Variants in PHLDB1 observed in about 807,000 individuals in gnomAD.
PHLDB1 encodes the protein pleckstrin homology-like domain family B member 1.
A neutral mutation model predicts 139.3 loss-of-function variants in PHLDB1; 65 were observed. The ratio of observed to expected loss-of-function variants is 0.47; its 90% CI spans 0.38 to 0.57. PHLDB1 has a LOEUF of 0.57. PHLDB1 is among the 20% of genes least tolerant of loss of function. The pLI, the probability that PHLDB1 is intolerant of heterozygous loss-of-function variation, is 0.00. For missense variants in PHLDB1, 1,624 were observed against 1,839.7 expected (o/e 0.88, Z 2.14); for synonymous variants, 679 against 734.5 (o/e 0.92, Z 1.22).
intron 6 of PHLDB1, among the ~76,000 whole-genome samples, chr11:118,630,976 A>G (rs930825217): frequency 1.4e-5 from 2 of 145,628 alleles, no homozygotes; most frequent in Non-Finnish European, 3.0e-5. Context: ...CCAGGCTGTT[A>G]TGCCATGTGG....
intron 10 of PHLDB1, among the ~76,000 whole-genome samples, chr11:118,635,887 C>G (rs1041566557): frequency 1.3e-5 from 2 of 152,196 alleles, no homozygotes; most frequent in African/African-American, 2.4e-5. Context: ...GCTTGCAGAG[C>G]TCTTGTCTGG....
intron 22 of PHLDB1, 24 bp from the exon 23 acceptor site, chr11:118,656,659 G>A: frequency 6.2e-7 from 1 of 1,609,870 alleles, no homozygotes; most frequent in Non-Finnish European, 8.5e-7. Context: ...CCCCATCTTA[G>A]ACCTTCCTCT....
chr11:118,609,076 CACACTGCCCCAGTT>C (rs1939638781), intron 1 of PHLDB1, among the ~76,000 whole-genome samples: 1 of 151,000 alleles, frequency 6.6e-6, no homozygotes. Flanking sequence ...CCAGCTCACA[CACACTGCCCCAGTT>C]ACACAGCCCA....
chr11:118,639,169 A>T lies in PHLDB1; in HGVS notation c.2654A>T (p.Glu885Val). 6.2e-7 allele frequency: 1 copy of T among 1,614,056 alleles called. No homozygotes were observed. Among genetic ancestry groups the T allele is most frequent in the Non-Finnish European group, 8.5e-7 (1 of 1,179,924 alleles). The part of the protein sequence containing the change: ...ASLQLLQKEK[E>V]KLTVLERRYH... ...GCCATTCTGGGCTCGCAGGAGAAGG[A>T]GAAGCTGACTGTGCTGGAAAGGAGA... Residue 885 changes from glutamate to valine, a missense_variant, in exon 12 of 23, where the codon GAG (glutamate) becomes GTG (valine). By Grantham distance (121) the Glu-to-Val change is moderately radical. Coordinates refer to ENST00000600882, the MANE Select transcript of PHLDB1 (RefSeq NM_001144758.3).
rs1063496 is a variant in PHLDB1 at position 118,657,906 on chromosome 11, C to T, written c.*1083C>T. The stretch of plus-strand genomic sequence containing the variant: ...TCTGGCCTCGCCCTTCACGCCTTAA[C>T]ACTAAGCCCACCTCCCCTGCTCTCC... On this transcript the variant is annotated 3_prime_UTR_variant, in exon 23 of 23. Transcript: ENST00000600882. 267 of 206,984 alleles carry T rather than the reference C, an allele frequency of 1.3e-3. 7 individuals are homozygous for T. In the South Asian group the frequency reaches 0.028, roughly 22 times the overall value. The allele number at this position is 206,984 out of a possible 1,614,324, so 12.8% of individuals were successfully genotyped here.
rs1162297778 is a variant in PHLDB1, at chr11:118,608,170, C to G, written c.-22+471C>G. Among the ~76,000 whole-genome samples, 2 of 152,098 alleles carry G rather than the reference C, an allele frequency of 1.3e-5. No individual in the cohort carries two copies. Among genetic ancestry groups the G allele is most frequent in the Non-Finnish European group, 1.5e-5 (1 of 67,990 alleles). On this transcript the variant is annotated intron_variant, in intron 1 of 22. Coordinates refer to ENST00000600882, the MANE Select transcript of PHLDB1 (RefSeq NM_001144758.3). This position sits in a 1 kb window ranked among gnomAD's most constrained non-coding sequence, Gnocchi z 6.7. ...TGACGTCTCCCCGCCTGTCCCCAGG[C>G]CGGCCGCCTTGATGGACCAGGAAGG... is the stretch of plus-strand genomic sequence containing the variant.
chr11:118,653,501 A>G (rs1948621835), intron 20 of PHLDB1: 1 of 152,170 alleles, frequency 6.6e-6, no homozygotes, highest in Admixed American at 6.5e-5. Flanking sequence ...TGTGCCACAC[A>G]CTGTGCTGAA....
At chr11:118,636,456 G>A (rs547570388) in intron 10 of PHLDB1, among the ~76,000 whole-genome samples, 15 of 152,228 alleles carry the variant, frequency 9.9e-5, no homozygotes, top group Admixed American at 6.5e-4. Context: ...TCTTACAAAC[G>A]CACTTTCTGG....
chr11:118,644,418 G>C, intron 15 of PHLDB1: 1 of 541,922 alleles, frequency 1.8e-6, no homozygotes, highest in Non-Finnish European at 3.3e-6. Flanking sequence ...TAGCCAATAA[G>C]GGAACTGCTT....
At chr11:118,609,158 C>T (rs1555081513) in intron 1 of PHLDB1, among the ~76,000 whole-genome samples, 1 of 147,358 alleles carries the variant, frequency 6.8e-6, no homozygotes, top group Non-Finnish European at 1.5e-5. Context: ...GCCCAGCTCA[C>T]ACAAGCAGCC....
intron 10 of PHLDB1, chr11:118,636,650 A>G (rs1021269722): frequency 2.6e-5 from 4 of 152,252 alleles, no homozygotes; most frequent in African/African-American, 9.7e-5. Context: ...GAGAAGCTAC[A>G]CATTTTGCCC....
At position 118,631,441 on chromosome 11, in the gene PHLDB1, AAGG is replaced by A. The variant is rs782362264; in HGVS notation, c.2068_2070del (p.Glu690del). On this transcript the variant is annotated inframe_deletion, in exon 7 of 23. Coordinates refer to ENST00000600882, the MANE Select transcript of PHLDB1 (RefSeq NM_001144758.3). ...GGAGCGCTCAGATGAGGAAAATCTC[AAGG>A]AGGAGTGCAGCAGCACTGAGAGCAC... is the stretch of plus-strand genomic sequence containing the variant. The A allele has an allele frequency of 3.5e-6, 5 of 1,436,500 alleles. No individual in the cohort carries two copies. The highest frequency in any genetic ancestry group is 2.9e-5 in the African/African-American group (2 of 68,362). 89.0% of individuals were successfully genotyped at this position (1,436,500 alleles called of 1,614,324 possible). A position where few individuals can be genotyped will look rare whatever the true frequency, so the allele number is the denominator to read the frequency against.
chr11:118,650,065 T>G lies in PHLDB1; in HGVS notation c.3655-12T>G. On this transcript the variant is annotated splice_polypyrimidine_tract_variant and intron_variant, in intron 18 of 22. Coordinates refer to ENST00000600882, the MANE Select transcript of PHLDB1 (RefSeq NM_001144758.3). This position sits in a 1 kb window ranked among gnomAD's most constrained non-coding sequence, Gnocchi z 4.7. The stretch of plus-strand genomic sequence containing the variant: ...GAGAGGAGACTCTCCTGACCCTCCC[T>G]CTTGCTCCCAGGCACGACCCCTGAC... The G allele has an allele frequency of 6.2e-7, 1 of 1,603,202 alleles. No homozygotes were observed. The highest frequency in any genetic ancestry group is 1.3e-5 in the African/African-American group (1 of 74,790).
At chr11:118,647,703 G>A (rs902655842) in intron 17 of PHLDB1, 23 of 450,722 alleles carry the variant, frequency 5.1e-5, no homozygotes, top group Admixed American at 4.0e-4. Flanking sequence ...CAGGATCACA[G>A]AGCCCATAGT....
intron 20 of PHLDB1, chr11:118,655,307 C>A (rs1448075898): frequency 8.1e-6 from 2 of 247,020 alleles, no homozygotes; most frequent in Non-Finnish European, 1.6e-5. Flanking sequence ...TAGACTGCCT[C>A]CTTCACCATA....
At chr11:118,609,889 C>T (rs1161206321) in intron 1 of PHLDB1, among the ~76,000 whole-genome samples, 14 of 152,142 alleles carry the variant, frequency 9.2e-5, no homozygotes, top group Non-Finnish European at 1.2e-4. Context: ...CCACCGGACA[C>T]CCAAGCAACA....
chr11:118,656,766 T>G lies in PHLDB1; in HGVS notation c.4077T>G (p.Arg1359=). ...TGGCCCCATCTGCAGAGGCCATGCG[T>G]ATCTGGATGGATGTCATTGTCACAG... is the stretch of plus-strand genomic sequence containing the variant. ...YMVAPSAEAM[R]IWMDVIVTGA... Residue 1359 remains arginine, a synonymous_variant, in exon 23 of 23, where the codon CGT becomes CGG. Coordinates refer to ENST00000600882, the MANE Select transcript of PHLDB1 (RefSeq NM_001144758.3). 6.2e-7 allele frequency: 1 copy of G among 1,613,872 alleles called. No homozygotes were observed. The highest frequency in any genetic ancestry group is 1.7e-4 in the Middle Eastern group (1 of 6,060).
rs139566088 is a variant in PHLDB1, at chr11:118,613,881, C to T, written c.45C>T (p.Thr15=). The T allele has an allele frequency of 2.1e-4, 333 of 1,609,074 alleles. No individual in the cohort carries two copies. Among genetic ancestry groups the T allele is most frequent in the Non-Finnish European group, 2.6e-4 (309 of 1,175,814 alleles). ...NRNQIGPGCQ[T]QTMVQKGPLD... ...ACCAAATAGGCCCTGGATGCCAGAC[C>T]CAGACCATGGTGCAGGTGAGTGGGA... Residue 15 remains threonine (T), a synonymous_variant, in exon 2 of 23, where the codon ACC becomes ACT. Coordinates refer to ENST00000600882, the MANE Select transcript of PHLDB1 (RefSeq NM_001144758.3).
In PHLDB1 at chr11:118,656,677, T is replaced by C. The variant is rs1312106066; in HGVS notation, c.3994-6T>C. On this transcript the variant is annotated splice_region_variant and splice_polypyrimidine_tract_variant and intron_variant, in intron 22 of 22. Transcript: ENST00000600882. ...CATCTTAGACCTTCCTCTCTTCCTT[T>C]GGCAGAGCCCGAACCCAGCCCTCAC... 1.2e-6 allele frequency: 2 copies of C among 1,612,818 alleles called. No individual in the cohort carries two copies. The highest frequency in any genetic ancestry group is 2.7e-5 in the African/African-American group (2 of 74,866).
Sources: gnomAD v4.1 joint callset for allele counts (sites outside exome capture counted in the v4.1 genomes callset) on GRCh38, gnomAD v4.1.1 for gene constraint, Gnocchi (gnomAD v3.1) non-coding constraint, MANE v1.5 for transcripts, NCBI Gene and HGNC (gene_info 2026-07-23, HGNC 2026-07-21) for gene names.